Variants in WSCD2 observed in about 807,000 individuals in gnomAD.
The protein encoded by WSCD2 is sialate:O-sulfotransferase 2.
A neutral mutation model predicts 55.7 loss-of-function variants in WSCD2; 28 were observed. That is an observed-to-expected ratio of 0.50 (90% CI 0.37 to 0.69). The LOEUF (loss-of-function observed/expected upper bound fraction) is 0.69. Among genes scored for constraint, WSCD2 ranks in the 30% least tolerant of loss-of-function variants. The pLI is 0.00. For missense variants in WSCD2, 616 were observed against 762.1 expected (o/e 0.81, Z 2.26); for synonymous variants, 301 against 301.9 (o/e 1.00, Z 0.03).
chr12:108,164,211 C>T (rs1879398699), intron 1 of WSCD2, among the ~76,000 whole-genome samples: 2 of 128,812 alleles, frequency 1.6e-5, no homozygotes, highest in African/African-American at 5.9e-5. Flanking sequence ...ACCTTACATA[C>T]TGTAAAGTAC....
chr12:108,207,515 G>A (rs921661407), intron 3 of WSCD2, among the ~76,000 whole-genome samples: 6 of 146,714 alleles, frequency 4.1e-5, no homozygotes, highest in South Asian at 2.2e-4. Flanking sequence ...GACTACAGGC[G>A]CATGCCACCA....
chr12:108,235,681 C>T (rs1889199684), intron 7 of WSCD2, among the ~76,000 whole-genome samples: 2 of 152,140 alleles, frequency 1.3e-5, no homozygotes, highest in Admixed American at 6.5e-5. Flanking sequence ...TGTGGCAATT[C>T]CCTGCCTCAA....
chr12:108,159,807 G>A (rs190825767), intron 1 of WSCD2, among the ~76,000 whole-genome samples: 79 of 152,258 alleles, frequency 5.2e-4, no homozygotes, highest in Non-Finnish European at 6.5e-4. Flanking sequence ...GTGGGAGGAC[G>A]GTCCTTGCCA....
chr12:108,136,286 A>T (rs1266260473), intron 1 of WSCD2, among the ~76,000 whole-genome samples: 1 of 128,896 alleles, frequency 7.8e-6, no homozygotes, highest in Non-Finnish European at 1.7e-5. Context: ...GGAAGTGAAG[A>T]GGTCTGAATC....
intron 2 of WSCD2, among the ~76,000 whole-genome samples, chr12:108,201,884 G>C (rs2137069652): frequency 6.6e-6 from 1 of 152,314 alleles, no homozygotes; most frequent in East Asian, 1.9e-4. Context: ...CTTTTCAGAT[G>C]CTGGTTTCTC....
At chr12:108,141,270 T>A (rs989585014) in intron 1 of WSCD2, among the ~76,000 whole-genome samples, 1 of 152,188 alleles carries the variant, frequency 6.6e-6, no homozygotes, top group African/African-American at 2.4e-5. Context: ...TTGTGATTTT[T>A]AAAAAATTTT....
intron 4 of WSCD2, among the ~76,000 whole-genome samples, chr12:108,222,360 C>T (rs1468940003): frequency 6.6e-6 from 1 of 152,122 alleles, no homozygotes; most frequent in African/African-American, 2.4e-5. Context: ...CCTCTTCTCT[C>T]GAAGCCCTGT....
intron 4 of WSCD2, 149 bp from the exon 5 acceptor site, chr12:108,224,590 C>T: frequency 2.0e-6 from 2 of 1,003,494 alleles, no homozygotes; most frequent in South Asian, 3.2e-5. Flanking sequence ...GAACAGAAAA[C>T]ATGGCCACTC....
At chr12:108,163,948 A>G (rs1879336369) in intron 1 of WSCD2, among the ~76,000 whole-genome samples, 1 of 152,076 alleles carries the variant, frequency 6.6e-6, no homozygotes, top group Admixed American at 6.5e-5. Context: ...GAAAGATACT[A>G]AAAGAATAAG....
rs559292960 is a variant in WSCD2, at chr12:108,229,866, A to G, written c.979+2702A>G. Among the ~76,000 whole-genome samples, 260 of 90,684 alleles carry G rather than the reference A, an allele frequency of 2.9e-3. 1 individual carries two copies. The highest frequency in any genetic ancestry group is 0.018 in the Middle Eastern group (3 of 168). The allele number at this position is 90,684 out of a possible 152,430, so 59.5% of individuals were successfully genotyped here. On this transcript the variant is annotated intron_variant, in intron 6 of 8. Transcript: ENST00000547525. Reference sequence around the variant, plus strand: ...CTATCAACCCAACATTTTGCTCTGGAAAAAAAAAAAAAAAAAGTCAAACCT... The same window carrying G: ...CTATCAACCCAACATTTTGCTCTGGGAAAAAAAAAAAAAAAAGTCAAACCT...
At chr12:108,184,654 C>T (rs1249493827) in intron 1 of WSCD2, among the ~76,000 whole-genome samples, 1 of 152,180 alleles carries the variant, frequency 6.6e-6, no homozygotes, top group African/African-American at 2.4e-5. Context: ...CCCCGGGTTC[C>T]TCATCTGTAA....
intron 1 of WSCD2, among the ~76,000 whole-genome samples, chr12:108,135,356 A>T (rs1240950616): frequency 6.6e-6 from 1 of 152,258 alleles, no homozygotes; most frequent in African/African-American, 2.4e-5. Flanking sequence ...ATGGAGGCAG[A>T]TGAAGCTGGG....
chr12:108,158,767 C>T (rs1186990408), intron 1 of WSCD2, among the ~76,000 whole-genome samples: 1 of 152,098 alleles, frequency 6.6e-6, no homozygotes, highest in African/African-American at 2.4e-5. Flanking sequence ...TACTCAAGTC[C>T]TCCCTCTCCC....
At chr12:108,152,983 A>G (rs891364222) in intron 1 of WSCD2, among the ~76,000 whole-genome samples, 1 of 152,120 alleles carries the variant, frequency 6.6e-6, no homozygotes, top group Non-Finnish European at 1.5e-5. Context: ...GCACACCTAT[A>G]ACCCCAGCTA....
At chr12:108,229,427 AG>A (rs1309257830) in intron 6 of WSCD2, among the ~76,000 whole-genome samples, 2 of 152,242 alleles carry the variant, frequency 1.3e-5, no homozygotes, top group African/African-American at 2.4e-5. Context: ...ATGGCAGTGT[AG>A]GGATGCAAAC....
chr12:108,196,389 T>A, intron 2 of WSCD2, 175 bp downstream of exon 2: 1 of 1,100,858 alleles, frequency 9.1e-7, no homozygotes, highest in Non-Finnish European at 1.2e-6. Flanking sequence ...AAATTGAAGC[T>A]CAGAGAGATG....
chr12:108,186,243 G>A (rs894357883), intron 1 of WSCD2, among the ~76,000 whole-genome samples: 10 of 152,206 alleles, frequency 6.6e-5, no homozygotes, highest in South Asian at 6.2e-4. Context: ...AAAATTGAGC[G>A]GCAAGTACAG....
intron 2 of WSCD2, among the ~76,000 whole-genome samples, chr12:108,198,983 C>A (rs1421802806): frequency 3.3e-5 from 5 of 152,162 alleles, no homozygotes. Flanking sequence ...TTCTTCTATA[C>A]CATGCCACCT....
rs376999073 is a variant in WSCD2 at position 108,173,810 on chromosome 12, C to CTCTCTGTGTGTGTGTGTG, written c.-551-21471_-551-21470insCTCTGTGTGTGTGTGTGT. On this transcript the variant is annotated intron_variant, in intron 1 of 8. Transcript: ENST00000547525. ...TGAGGCAGAGCTGATTCCTGGCTCT[C>CTCTCTGTGTGTGTGTGTG]TGTGTGTGTGTGTGTGTGTGTGTGT... Among the ~76,000 whole-genome samples, 63 of 131,228 alleles carry CTCTCTGTGTGTGTGTGTG rather than the reference C, an allele frequency of 4.8e-4. 1 individual carries two copies. The highest frequency in any genetic ancestry group is 1.6e-3 in the African/African-American group (52 of 32,730). The allele number at this position is 131,228 out of a possible 152,430, so 86.1% of individuals were successfully genotyped here.
Sources: gnomAD v4.1 joint callset for allele counts (sites outside exome capture counted in the v4.1 genomes callset) on GRCh38, gnomAD v4.1.1 for gene constraint, MANE v1.5 for transcripts, NCBI Gene and HGNC (gene_info 2026-07-23, HGNC 2026-07-21) for gene names.